Variants in CFAP20DC observed in about 807,000 individuals in gnomAD.
CFAP20DC encodes CFAP20 domain containing.
In CFAP20DC, 84 loss-of-function variants were observed where a neutral mutation model predicts 101.7. That is an observed-to-expected ratio of 0.83 (90% CI 0.69 to 0.99). CFAP20DC has a LOEUF of 0.99. Ranked by LOEUF, CFAP20DC falls within the 50% of genes least tolerant of loss-of-function variation. The probability of loss-of-function intolerance (pLI) is 0.00; values close to 1 mark genes in which losing one functional copy is unlikely to be tolerated. For missense variants in CFAP20DC, 1,007 were observed against 970.3 expected, an observed-to-expected ratio of 1.04 and a Z score of -0.50; for synonymous variants, 359 against 351.2, an observed-to-expected ratio of 1.02 and a Z score of -0.25.
chr3:59,026,414 T>C (rs909668752), intron 4 of CFAP20DC, among the ~76,000 whole-genome samples: 6 of 152,170 alleles, frequency 3.9e-5, no homozygotes, highest in Non-Finnish European at 8.8e-5. Context: ...TTAACATCTC[T>C]TTTACAAATA....
intron 4 of CFAP20DC, among the ~76,000 whole-genome samples, chr3:59,030,481 C>T (rs1302359955): frequency 2.0e-5 from 3 of 152,120 alleles, no homozygotes; most frequent in Non-Finnish European, 4.4e-5. Context: ...GAATGTCTTC[C>T]CCATGTTATT....
chr3:58,959,008 T>C (rs2090899507), intron 4 of CFAP20DC, among the ~76,000 whole-genome samples: 1 of 152,230 alleles, frequency 6.6e-6, no homozygotes, highest in Non-Finnish European at 1.5e-5. Context: ...TTTAGTATTA[T>C]ATCTACAAAC....
intron 4 of CFAP20DC, among the ~76,000 whole-genome samples, chr3:58,943,572 C>T (rs1198637131): frequency 1.3e-5 from 2 of 152,162 alleles, no homozygotes; most frequent in Non-Finnish European, 2.9e-5. Flanking sequence ...CCAAAGGTCA[C>T]TAACATCGAA....
In CFAP20DC at chr3:58,729,085, G is replaced by A. The variant is rs1191106162; in HGVS notation, c.198-11457C>T. On this transcript the variant is annotated intron_variant, in intron 3 of 3. Coordinates refer to the CFAP20DC transcript ENST00000486145. The surrounding 1 kb of genome is among the most constrained non-coding windows in gnomAD (Gnocchi z 4.4). ...GCTCAAGTAAAACCTTCAGATGGCT[G>A]CAGTCTGGACCAAAAAATCTTGACT... Among the ~76,000 whole-genome samples, 3 of 152,162 alleles carry A rather than the reference G, an allele frequency of 2.0e-5. No individual in the cohort carries two copies. The highest frequency in any genetic ancestry group is 7.2e-5 in the African/African-American group (3 of 41,444).
chr3:58,859,429 A>G lies in CFAP20DC; in HGVS notation c.1593+4129T>C, dbSNP rs1423531115. Among the ~76,000 whole-genome samples, 1 of 152,236 alleles carries G rather than the reference A, an allele frequency of 6.6e-6. No individual in the cohort carries two copies. The highest frequency in any genetic ancestry group is 1.5e-5 in the Non-Finnish European group (1 of 68,028). ...ACTTTAAAGATTTCTTGTGAAAACT[A>G]TCTACAAGCAAATGCTTATCTGCAA... On this transcript the variant is annotated intron_variant, in intron 12 of 16. Transcript: ENST00000482387. This position sits in a 1 kb window ranked among gnomAD's most constrained non-coding sequence, Gnocchi z 4.1.
Position 58,868,809 on chromosome 3 carries a change from G to C in CFAP20DC, c.1015+519C>G, listed in dbSNP as rs1203902436. ...AAAGTGACAGGGAATTCTAAGTCTTGGGTTCTGGTCTAAATTATTTCTAAA... is the reference window on the plus strand; with the variant it reads ...AAAGTGACAGGGAATTCTAAGTCTTCGGTTCTGGTCTAAATTATTTCTAAA... On this transcript the variant is annotated intron_variant, in intron 9 of 16. Coordinates refer to ENST00000482387, the MANE Select transcript of CFAP20DC (RefSeq NM_001394063.1). This position sits in a 1 kb window ranked among gnomAD's most constrained non-coding sequence, Gnocchi z 4.6. 1.3e-5 allele frequency among the ~76,000 whole-genome samples: 2 copies of C among 152,062 alleles called. No homozygotes were observed. The highest frequency in any genetic ancestry group is 2.9e-5 in the Non-Finnish European group (2 of 67,988).
At chr3:58,927,255 G>A (rs1576338166) in intron 5 of CFAP20DC, among the ~76,000 whole-genome samples, 2 of 152,202 alleles carry the variant, frequency 1.3e-5, no homozygotes, top group Non-Finnish European at 2.9e-5. Context: ...ATTCATTTTG[G>A]TGTGGCTAGA....
At chr3:58,736,302 T>C (rs575237987) in intron 3 of CFAP20DC, among the ~76,000 whole-genome samples, 1 of 152,162 alleles carries the variant, frequency 6.6e-6, no homozygotes, top group Admixed American at 6.5e-5. Context: ...GTTTTCAGGG[T>C]CTGAAATGTC....
intron 15 of CFAP20DC, among the ~76,000 whole-genome samples, chr3:58,757,391 T>A (rs749888919): frequency 6.7e-6 from 1 of 149,934 alleles, no homozygotes; most frequent in Non-Finnish European, 1.5e-5. Context: ...CACACACATA[T>A]ATATATGCAT....
At chr3:58,814,067 G>T (rs1391317020) in intron 14 of CFAP20DC, among the ~76,000 whole-genome samples, 1 of 151,862 alleles carries the variant, frequency 6.6e-6, no homozygotes. Context: ...TATTCGTCCA[G>T]TATTTCAGCT....
At chr3:59,027,282 A>G (rs1208650447) in intron 4 of CFAP20DC, among the ~76,000 whole-genome samples, 1 of 152,096 alleles carries the variant, frequency 6.6e-6, no homozygotes, top group East Asian at 1.9e-4. Flanking sequence ...TTTCTTTTTT[A>G]AAGAATTTAA....
chr3:58,753,929 G>A, intron 15 of CFAP20DC, 66 bp from the exon 16 acceptor site: 1 of 1,099,812 alleles, frequency 9.1e-7, no homozygotes, highest in South Asian at 1.4e-5. Flanking sequence ...GTTTCCCATG[G>A]ATTTTCAGTT....
intron 4 of CFAP20DC, among the ~76,000 whole-genome samples, chr3:59,034,895 T>C (rs1443203593): frequency 1.3e-5 from 2 of 152,210 alleles, no homozygotes; most frequent in African/African-American, 2.4e-5. Flanking sequence ...ATATACATTC[T>C]TCTCAGTACC....
At chr3:58,988,021 A>C (rs1203093598) in intron 4 of CFAP20DC, among the ~76,000 whole-genome samples, 3 of 152,062 alleles carry the variant, frequency 2.0e-5, no homozygotes, top group African/African-American at 7.2e-5. Flanking sequence ...AAATAATCTA[A>C]TAATGAATGT....
intron 14 of CFAP20DC, among the ~76,000 whole-genome samples, chr3:58,811,087 C>A (rs1342623483): frequency 6.6e-6 from 1 of 152,184 alleles, no homozygotes; most frequent in Non-Finnish European, 1.5e-5. Flanking sequence ...ATTCCATGCT[C>A]ATGGGTAGGA....
At chr3:58,793,128 T>C (rs1332138822) in intron 15 of CFAP20DC, among the ~76,000 whole-genome samples, 1 of 152,196 alleles carries the variant, frequency 6.6e-6, no homozygotes, top group Admixed American at 6.5e-5. Flanking sequence ...TATATTATAC[T>C]ACCAGAGTGT....
chr3:59,020,321 A>G (rs1462468856), intron 4 of CFAP20DC, among the ~76,000 whole-genome samples: 1 of 152,042 alleles, frequency 6.6e-6, no homozygotes, highest in African/African-American at 2.4e-5. Context: ...GTTTTACAAT[A>G]AAGTATGAGT....
At chr3:58,931,645 C>T (rs9968135) in intron 5 of CFAP20DC, among the ~76,000 whole-genome samples, 1,611 of 144,268 alleles carry the variant, frequency 0.011, 28 homozygotes, top group African/African-American at 0.037. Context: ...GCCACCGCTG[C>T]GGATACCCAG....
At chr3:58,741,559 C>A (rs944369990), downstream of CFAP20DC, among the ~76,000 whole-genome samples, 1 of 150,516 alleles carries the variant, frequency 6.6e-6, no homozygotes, top group African/African-American at 2.5e-5. Context: ...TACAGTGGGG[C>A]GATCTTGGCT....
Sources: allele counts gnomAD v4.1 joint callset (sites outside exome capture counted in the v4.1 genomes callset), GRCh38; gene constraint gnomAD v4.1.1; non-coding constraint Gnocchi (gnomAD v3.1); transcripts MANE v1.5; gene names NCBI Gene and HGNC (gene_info 2026-07-23, HGNC 2026-07-21).